Variants in TACR3 observed in about 807,000 individuals in gnomAD.
TACR3 encodes the protein tachykinin receptor 3.
In TACR3, 34 loss-of-function variants were observed where a neutral mutation model predicts 35.0. The ratio of observed to expected loss-of-function variants is 0.97; its 90% CI spans 0.74 to 1.30. The LOEUF (loss-of-function observed/expected upper bound fraction) is 1.30. Ranked by LOEUF, TACR3 falls within the 50% of genes most tolerant of loss-of-function variation. The pLI is 0.00. For synonymous variants in TACR3, 233 were observed against 221.1 expected, an observed-to-expected ratio of 1.05 and a Z score of -0.48; for missense variants, 558 against 591.7, an observed-to-expected ratio of 0.94 and a Z score of 0.59.
At chr4:103,648,246 G>A (rs771064168) in intron 3 of TACR3, among the ~76,000 whole-genome samples, 7 of 151,792 alleles carry the variant, frequency 4.6e-5, no homozygotes, top group Non-Finnish European at 8.8e-5. Flanking sequence ...AGGATAATGC[G>A]GTATCCATCA....
chr4:103,609,506 AT>A (rs143869844), intron 3 of TACR3, among the ~76,000 whole-genome samples: 2,830 of 152,016 alleles, frequency 0.019, 87 homozygotes, highest in African/African-American at 0.064. Flanking sequence ...ATGGTTGTAC[AT>A]TATTTGTGGG....
rs1172480243 is a variant in TACR3 at position 103,588,792 on chromosome 4, CTATTT to C, written c.*885_*889del. 1 of 151,916 alleles carries C rather than the reference CTATTT, an allele frequency of 6.6e-6. No individual in the cohort carries two copies. The highest frequency in any genetic ancestry group is 1.5e-5 in the Non-Finnish European group (1 of 67,962). 9.4% of individuals were successfully genotyped at this position (151,916 alleles called of 1,614,324 possible). Reference sequence around the variant, plus strand: ...AAGATATTTTCTCCTAGTCCTTATTCTATTTTCAGTGAGGGGAGAGGAAGAGAACA... The same window carrying C: ...AAGATATTTTCTCCTAGTCCTTATTCTCAGTGAGGGGAGAGGAAGAGAACA... On this transcript the variant is annotated 3_prime_UTR_variant, in exon 5 of 5. Transcript: ENST00000304883.
At chr4:103,697,082 A>C (rs1722536340) in intron 1 of TACR3, among the ~76,000 whole-genome samples, 1 of 152,112 alleles carries the variant, frequency 6.6e-6, no homozygotes, top group African/African-American at 2.4e-5. Flanking sequence ...CCAGGTCTTG[A>C]TTAGCCATTT....
At chr4:103,692,508 CAAT>C (rs1043035443) in intron 1 of TACR3, among the ~76,000 whole-genome samples, 3 of 152,050 alleles carry the variant, frequency 2.0e-5, no homozygotes, top group Non-Finnish European at 4.4e-5. Context: ...GGCAAAACAA[CAAT>C]AATAATGAAA....
chr4:103,603,118 G>A (rs1428137888), intron 3 of TACR3, among the ~76,000 whole-genome samples: 15 of 152,134 alleles, frequency 9.9e-5, no homozygotes, highest in East Asian at 1.9e-4. Flanking sequence ...CCCCAGCCTC[G>A]CTGCCACCTT....
At chr4:103,692,649 T>C (rs1722431336) in intron 1 of TACR3, among the ~76,000 whole-genome samples, 1 of 152,228 alleles carries the variant, frequency 6.6e-6, no homozygotes, top group African/African-American at 2.4e-5. Context: ...TATGTGTACA[T>C]GTGTTGCTAA....
chr4:103,630,982 T>C (rs113475246), intron 3 of TACR3, among the ~76,000 whole-genome samples: 2 of 152,070 alleles, frequency 1.3e-5, no homozygotes, highest in African/African-American at 4.8e-5. Flanking sequence ...CATATACACA[T>C]GGAATACAAT....
intron 3 of TACR3, among the ~76,000 whole-genome samples, chr4:103,645,074 C>G (rs1209580974): frequency 6.6e-6 from 1 of 151,710 alleles, no homozygotes; most frequent in African/African-American, 2.4e-5. Context: ...AAGAGTCAGA[C>G]AAAAGTTCCA....
At chr4:103,614,247 T>A (rs1724580949) in intron 3 of TACR3, among the ~76,000 whole-genome samples, 1 of 152,158 alleles carries the variant, frequency 6.6e-6, no homozygotes, top group Non-Finnish European at 1.5e-5. Context: ...TTTTTCTTTC[T>A]CTCTCTGGTA....
chr4:103,694,951 C>A (rs1038124666), intron 1 of TACR3, among the ~76,000 whole-genome samples: 1 of 152,022 alleles, frequency 6.6e-6, no homozygotes, highest in African/African-American at 2.4e-5. Flanking sequence ...TGTTCATATT[C>A]CAAATGTTTT....
chr4:103,656,167 T>C, intron 3 of TACR3, 27 bp downstream of exon 3: 1 of 1,611,718 alleles, frequency 6.2e-7, no homozygotes, highest in Non-Finnish European at 8.5e-7. Flanking sequence ...CCTATACAAA[T>C]GCTAGGTAAA....
intron 1 of TACR3, among the ~76,000 whole-genome samples, chr4:103,675,208 T>C (rs1578252776): frequency 6.6e-6 from 1 of 152,326 alleles, no homozygotes; most frequent in East Asian, 1.9e-4. Flanking sequence ...GCTTGGATCT[T>C]GAAATGTCCT....
intron 1 of TACR3, among the ~76,000 whole-genome samples, chr4:103,710,150 A>C (rs541837932): frequency 1.3e-5 from 2 of 152,224 alleles, no homozygotes; most frequent in Non-Finnish European, 2.9e-5. Context: ...CTCTGCACCA[A>C]GTGGACCTAA....
intron 3 of TACR3, among the ~76,000 whole-genome samples, chr4:103,653,887 G>A (rs1007175158): frequency 5.3e-5 from 8 of 152,206 alleles, no homozygotes; most frequent in African/African-American, 1.9e-4. Flanking sequence ...GTGGGCGAAG[G>A]ATATGAACAG....
intron 1 of TACR3, among the ~76,000 whole-genome samples, chr4:103,712,029 T>C (rs1204169781): frequency 6.6e-6 from 1 of 152,162 alleles, no homozygotes; most frequent in Non-Finnish European, 1.5e-5. Flanking sequence ...TCCATGCTCA[T>C]GGGTAGGAAG....
chr4:103,666,246 T>A (rs1725933924), intron 1 of TACR3, among the ~76,000 whole-genome samples: 1 of 152,158 alleles, frequency 6.6e-6, no homozygotes, highest in South Asian at 2.1e-4. Flanking sequence ...AGACATTAGG[T>A]ATAACTTCCA....
intron 1 of TACR3, among the ~76,000 whole-genome samples, chr4:103,683,434 G>T (rs1722145802): frequency 1.4e-5 from 1 of 71,144 alleles, no homozygotes; most frequent in African/African-American, 6.4e-5. Context: ...CTTTTGGAAA[G>T]CTTGCTAAAA....
chr4:103,638,868 T>C (rs1159307686), intron 3 of TACR3, among the ~76,000 whole-genome samples: 2 of 152,002 alleles, frequency 1.3e-5, no homozygotes, highest in African/African-American at 4.8e-5. Context: ...ATCAGAGAAA[T>C]GCAACTCAAA....
intron 1 of TACR3, among the ~76,000 whole-genome samples, chr4:103,697,845 C>A (rs1194394102): frequency 1.3e-5 from 2 of 152,086 alleles, no homozygotes; most frequent in Admixed American, 6.5e-5. Context: ...TATAAGTATT[C>A]TATTTGTGAA....
Sources: allele counts gnomAD v4.1 joint callset (sites outside exome capture counted in the v4.1 genomes callset), GRCh38; gene constraint gnomAD v4.1.1; transcripts MANE v1.5; gene names NCBI Gene and HGNC (gene_info 2026-07-23, HGNC 2026-07-21).